CACNA1C: variants seen among roughly 807,000 people sequenced by gnomAD.
The protein encoded by CACNA1C is voltage-dependent L-type calcium channel subunit alpha-1C.
Under a neutral mutation model 229.0 loss-of-function variants are expected in CACNA1C, and 30 were observed. The ratio of observed to expected loss-of-function variants is 0.13; its 90% CI spans 0.10 to 0.18. The LOEUF is 0.18. CACNA1C is among the 10% of genes least tolerant of loss of function. CACNA1C has a pLI of 1.00. For synonymous variants in CACNA1C, 1,114 were observed against 1,132.5 expected (o/e 0.98, Z 0.33); for missense variants, 1,658 against 2,845.0 (o/e 0.58, Z 9.49).
rs778810452 is a variant in CACNA1C at position 2,605,832 on chromosome 12, A to G, written c.3156+46A>G. 7.9e-7 allele frequency: 1 copy of G among 1,273,020 alleles called. No homozygotes were observed. Among genetic ancestry groups the G allele is most frequent in the Non-Finnish European group, 1.2e-6 (1 of 869,062 alleles). The allele number at this position is 1,273,020 out of a possible 1,614,324, so 78.9% of individuals were successfully genotyped here. A position where few individuals can be genotyped will look rare whatever the true frequency, so the allele number is the denominator to read the frequency against. Reference sequence around the variant, plus strand: ...TGGTCCTCCTACCTCCCCTCCCATCAGCATTCCTGGGGAAGGGAACTGGCA... The same window carrying G: ...TGGTCCTCCTACCTCCCCTCCCATCGGCATTCCTGGGGAAGGGAACTGGCA... On this transcript the variant is annotated intron_variant, in intron 24 of 46. Transcript: ENST00000399655. This position sits in a 1 kb window ranked among gnomAD's most constrained non-coding sequence, Gnocchi z 6.2.
intron 3 of CACNA1C, among the ~76,000 whole-genome samples, chr12:2,404,192 G>A (rs1023445788): frequency 1.3e-5 from 2 of 152,174 alleles, no homozygotes; most frequent in African/African-American, 2.4e-5. Flanking sequence ...GAAGTGCCCC[G>A]GGAAACTCGA....
At chr12:2,277,350 GACAGACAGACAGACACACAC>G (rs1424828942) in intron 3 of CACNA1C, among the ~76,000 whole-genome samples, 65 of 76,494 alleles carry the variant, frequency 8.5e-4, no homozygotes, top group East Asian at 4.4e-3. Flanking sequence ...CAGACAGACA[GACAGACAGACAGACACACAC>G]ACACACACAC....
chr12:2,420,907 TG>T, intron 3 of CACNA1C, among the ~76,000 whole-genome samples: 1 of 152,312 alleles, frequency 6.6e-6, no homozygotes, highest in Admixed American at 6.5e-5. Context: ...CGAATGTCCT[TG>T]GGGGTGCTCT....
chr12:2,309,655 A>G (rs1275098727), intron 3 of CACNA1C, among the ~76,000 whole-genome samples: 2 of 152,238 alleles, frequency 1.3e-5, no homozygotes, highest in African/African-American at 4.8e-5. Flanking sequence ...ACTGTAAACT[A>G]TAGCTATATT....
At chr12:2,195,109 G>A (rs1380365646) in intron 3 of CACNA1C, among the ~76,000 whole-genome samples, 39 of 152,222 alleles carry the variant, frequency 2.6e-4, no homozygotes, top group Non-Finnish European at 1.5e-5. Flanking sequence ...ATCACCGATA[G>A]CAGCAGTGAT....
At chr12:2,518,105 AG>A (rs2099801296) in intron 9 of CACNA1C, among the ~76,000 whole-genome samples, 1 of 152,216 alleles carries the variant, frequency 6.6e-6, no homozygotes, top group East Asian at 1.9e-4. Flanking sequence ...CCACTTTTGC[AG>A]TCATCACCAG....
In CACNA1C at chr12:2,661,644, A is replaced by G. The variant is rs192299911; in HGVS notation, c.4233-3181A>G. Among the ~76,000 whole-genome samples the G allele has an allele frequency of 7.9e-5, 12 of 152,324 alleles. No homozygotes were observed. In the East Asian group the frequency reaches 2.3e-3, roughly 29 times the overall value. ...TGTAGAAAACCTCTTCACCCACTCCATAAGACTAATATAAAGCTAATGCCA... is the reference window on the plus strand; with the variant it reads ...TGTAGAAAACCTCTTCACCCACTCCGTAAGACTAATATAAAGCTAATGCCA... On this transcript the variant is annotated intron_variant, in intron 34 of 46. Coordinates refer to ENST00000399655, the MANE Select transcript of CACNA1C (RefSeq NM_000719.7).
intron 3 of CACNA1C, among the ~76,000 whole-genome samples, chr12:2,353,756 G>A (rs2097274062): frequency 6.6e-6 from 1 of 152,186 alleles, no homozygotes; most frequent in East Asian, 1.9e-4. Flanking sequence ...GGGAGAGACA[G>A]TGCAGGCCCA....
At chr12:2,127,119 C>T (rs1164631396) in intron 3 of CACNA1C, among the ~76,000 whole-genome samples, 1 of 152,114 alleles carries the variant, frequency 6.6e-6, no homozygotes, top group Non-Finnish European at 1.5e-5. Context: ...GGACCCCACT[C>T]CCCCACCCCT....
chr12:1,997,066 G>A (rs2041104775), intron 1 of CACNA1C, among the ~76,000 whole-genome samples: 2 of 152,226 alleles, frequency 1.3e-5, no homozygotes, highest in African/African-American at 4.8e-5. Context: ...CATAATGTAT[G>A]TCTCTATATG....
At chr12:2,542,808 C>G (rs2099874483) in intron 9 of CACNA1C, among the ~76,000 whole-genome samples, 1 of 152,134 alleles carries the variant, frequency 6.6e-6, no homozygotes, top group South Asian at 2.1e-4. Context: ...AAGTGCTGTT[C>G]AAGCAAGAGT....
intron 3 of CACNA1C, among the ~76,000 whole-genome samples, chr12:2,353,545 G>C (rs917557838): frequency 1.3e-5 from 2 of 152,202 alleles, no homozygotes; most frequent in Non-Finnish European, 2.9e-5. Context: ...GAGACGTGGA[G>C]GGTCTGCTTC....
At position 2,597,592 on chromosome 12, in the gene CACNA1C, CTCTTT is replaced by C; in HGVS notation, c.2853+309_2853+313del. 1.1e-6 allele frequency: 1 copy of C among 876,886 alleles called. No individual in the cohort carries two copies. Among genetic ancestry groups the C allele is most frequent in the Non-Finnish European group, 1.9e-6 (1 of 531,106 alleles). The allele number at this position is 876,886 out of a possible 1,614,324, so 54.3% of individuals were successfully genotyped here. ...TTGTCTTTTCTGTTTCTTTCACTCT[CTCTTT>C]TCTTTACTCCCAAGCCTGAAATTGG... On this transcript the variant is annotated intron_variant, in intron 21 of 46. Coordinates refer to ENST00000399655, the MANE Select transcript of CACNA1C (RefSeq NM_000719.7). This position sits in a 1 kb window ranked among gnomAD's most constrained non-coding sequence, Gnocchi z 4.3.
chr12:2,434,118 C>T (rs1438385771), intron 3 of CACNA1C, among the ~76,000 whole-genome samples: 6 of 152,234 alleles, frequency 3.9e-5, no homozygotes, highest in Middle Eastern at 6.8e-3. Flanking sequence ...TTCCTGCACC[C>T]GCTCCCTCTG....
intron 1 of CACNA1C, among the ~76,000 whole-genome samples, chr12:2,113,260 A>G (rs544705666): frequency 1.3e-5 from 2 of 152,328 alleles, no homozygotes; most frequent in East Asian, 1.9e-4. Flanking sequence ...AAATGTTCAC[A>G]TGGCTAAGCC....
At chr12:2,074,281 CT>C (rs1311064434) in intron 1 of CACNA1C, among the ~76,000 whole-genome samples, 15 of 152,310 alleles carry the variant, frequency 9.8e-5, no homozygotes, top group African/African-American at 3.6e-4. Context: ...CTTCTAATTT[CT>C]GTTCTAGACT....
At chr12:2,110,837 A>G (rs560717254) in intron 1 of CACNA1C, among the ~76,000 whole-genome samples, 2 of 152,198 alleles carry the variant, frequency 1.3e-5, no homozygotes, top group Admixed American at 6.5e-5. Flanking sequence ...AGACTGGTCT[A>G]TATGTCTGAG....
At chr12:2,119,441 G>C (rs931399123) in intron 2 of CACNA1C, among the ~76,000 whole-genome samples, 1 of 152,210 alleles carries the variant, frequency 6.6e-6, no homozygotes, top group African/African-American at 2.4e-5. Flanking sequence ...GGAGGGTGTG[G>C]GGTGGTCCCG....
At chr12:2,293,879 G>A (rs764300494) in intron 3 of CACNA1C, among the ~76,000 whole-genome samples, 6 of 152,338 alleles carry the variant, frequency 3.9e-5, no homozygotes, top group East Asian at 1.9e-4. Flanking sequence ...GCAGCTTCCA[G>A]TGTCTGCCAG....
Sources: gnomAD v4.1 joint callset for allele counts (sites outside exome capture counted in the v4.1 genomes callset) on GRCh38, gnomAD v4.1.1 for gene constraint, Gnocchi (gnomAD v3.1) non-coding constraint, MANE v1.5 for transcripts, NCBI Gene and HGNC (gene_info 2026-07-23, HGNC 2026-07-21) for gene names.